KIAA1328: variants seen among roughly 807,000 people sequenced by gnomAD.
The protein encoded by KIAA1328 is KIAA1328, also known as protein hinderin.
In KIAA1328, 52 loss-of-function variants were observed where a neutral mutation model predicts 68.1. That is an observed-to-expected ratio of 0.76 (90% CI 0.61 to 0.96). KIAA1328 has a LOEUF of 0.96. Ranked by LOEUF, KIAA1328 falls within the 40% of genes least tolerant of loss-of-function variation. The probability of loss-of-function intolerance (pLI) is 0.00; values close to 1 mark genes in which losing one functional copy is unlikely to be tolerated. For missense variants in KIAA1328, 641 were observed against 677.6 expected, an observed-to-expected ratio of 0.95 and a Z score of 0.60; for synonymous variants, 232 against 239.4, an observed-to-expected ratio of 0.97 and a Z score of 0.28.
chr18:36,947,460 G>A (rs577956357), intron 5 of KIAA1328, among the ~76,000 whole-genome samples: 10 of 152,246 alleles, frequency 6.6e-5, no homozygotes, highest in African/African-American at 1.4e-4. Flanking sequence ...GGGACAACTC[G>A]GGCTTTTAGG....
intron 7 of KIAA1328, among the ~76,000 whole-genome samples, chr18:37,068,534 C>T (rs1042897030): frequency 2.0e-5 from 3 of 152,328 alleles, no homozygotes; most frequent in Admixed American, 2.0e-4. Context: ...TGTATAGTGA[C>T]ATTTCATCGC....
chr18:36,893,465 T>TTTGTGTGTGTGTGTGTG (rs1556812093), intron 5 of KIAA1328, among the ~76,000 whole-genome samples: 220 of 120,638 alleles, frequency 1.8e-3, no homozygotes, highest in Middle Eastern at 4.2e-3. Flanking sequence ...GTGTGTGTTT[T>TTTGTGTGTGTGTGTGTG]TGTGTGTGTG....
At chr18:37,164,434 CAGT>C (rs1279105269) in intron 8 of KIAA1328, among the ~76,000 whole-genome samples, 3 of 152,148 alleles carry the variant, frequency 2.0e-5, no homozygotes, top group Admixed American at 2.0e-4. Context: ...AAAGAGAAAT[CAGT>C]AGAGTGGGCT....
intron 6 of KIAA1328, among the ~76,000 whole-genome samples, chr18:37,007,784 T>C (rs936521619): frequency 2.0e-5 from 3 of 152,176 alleles, no homozygotes; most frequent in African/African-American, 7.2e-5. Flanking sequence ...ATAAGCCCAC[T>C]ATAGCCTACC....
At chr18:37,152,074 T>G in intron 7 of KIAA1328, among the ~76,000 whole-genome samples, 1 of 146,476 alleles carries the variant, frequency 6.8e-6, no homozygotes, top group East Asian at 2.0e-4. Flanking sequence ...CCTCATAGGT[T>G]CTTAGTTGGA....
In KIAA1328 at chr18:36,853,783, C is replaced by T. The variant is rs576445833; in HGVS notation, c.332+9481C>T. On this transcript the variant is annotated intron_variant, in intron 4 of 9. Coordinates refer to ENST00000280020, the MANE Select transcript of KIAA1328 (RefSeq NM_020776.3). ...AAGTGATTCTTCTGCGTCAGCCTCC[C>T]GCGTAGCTGTTACAGGTGCCCGCCA... Among the ~76,000 whole-genome samples the T allele has an allele frequency of 9.2e-5, 14 of 152,174 alleles. No homozygotes were observed. In the South Asian group the frequency reaches 1.0e-3, roughly 11 times the overall value.
chr18:37,103,217 C>A (rs371644083), intron 7 of KIAA1328, among the ~76,000 whole-genome samples: 1 of 151,862 alleles, frequency 6.6e-6, no homozygotes, highest in Admixed American at 6.6e-5. Flanking sequence ...AAAGCAATAC[C>A]GAGCAAAAGG....
At chr18:37,066,808 A>G (rs2056353661) in intron 6 of KIAA1328, 82 bp from the exon 7 acceptor site, 2 of 1,266,150 alleles carry the variant, frequency 1.6e-6, no homozygotes, top group African/African-American at 3.0e-5. Flanking sequence ...GTAAATATAT[A>G]TCACTGATTT....
chr18:36,894,321 A>G (rs1371805615), intron 5 of KIAA1328, among the ~76,000 whole-genome samples: 1 of 152,176 alleles, frequency 6.6e-6, no homozygotes, highest in Non-Finnish European at 1.5e-5. Flanking sequence ...GAAAATCCAG[A>G]TATGTAGAAT....
At chr18:37,173,116 T>G (rs754229650) in intron 9 of KIAA1328, 35 bp downstream of exon 9, 2 of 1,444,922 alleles carry the variant, frequency 1.4e-6, no homozygotes, top group Non-Finnish European at 1.9e-6. Context: ...TTTAATATTC[T>G]CCCTATGAGA....
At chr18:37,040,359 G>C (rs75811607) in intron 6 of KIAA1328, among the ~76,000 whole-genome samples, 4,617 of 152,198 alleles carry the variant, frequency 0.03, 222 homozygotes, top group African/African-American at 0.11. Context: ...TGTCTGATCT[G>C]TTGCCATGTA....
chr18:37,043,286 C>A (rs1263307784), intron 6 of KIAA1328, among the ~76,000 whole-genome samples: 1 of 152,236 alleles, frequency 6.6e-6, no homozygotes, highest in Middle Eastern at 3.4e-3. Context: ...TTTTTCCCCC[C>A]AAGTATGGGT....
intron 2 of KIAA1328, 115 bp downstream of exon 2, chr18:36,834,470 A>G (rs2046605027): frequency 1.2e-6 from 1 of 824,128 alleles, no homozygotes; most frequent in Non-Finnish European, 1.7e-6. Flanking sequence ...AGAGCAGTAC[A>G]TCAAAACCTA....
At chr18:37,129,934 T>C (rs2058482923) in intron 7 of KIAA1328, among the ~76,000 whole-genome samples, 1 of 152,164 alleles carries the variant, frequency 6.6e-6, no homozygotes, top group Non-Finnish European at 1.5e-5. Context: ...ATTTCACCAA[T>C]TAAAGTTGAT....
At chr18:36,991,504 ATTTAT>A in intron 6 of KIAA1328, among the ~76,000 whole-genome samples, 1 of 152,336 alleles carries the variant, frequency 6.6e-6, no homozygotes, top group South Asian at 2.1e-4. Context: ...TACTGGGTAG[ATTTAT>A]TTTCCTCAGG....
chr18:36,846,498 C>T (rs1188842257), intron 4 of KIAA1328, among the ~76,000 whole-genome samples: 4 of 151,278 alleles, frequency 2.6e-5, no homozygotes, highest in African/African-American at 9.7e-5. Flanking sequence ...ATAACATGAA[C>T]CAGTTTTTAA....
intron 7 of KIAA1328, among the ~76,000 whole-genome samples, chr18:37,137,085 C>A (rs141140205): frequency 2.0e-5 from 3 of 152,244 alleles, no homozygotes; most frequent in African/African-American, 7.2e-5. Context: ...TCTAGTAACA[C>A]CTTCTAGTAT....
At chr18:37,075,713 A>G (rs1002617811) in intron 7 of KIAA1328, 1 of 152,234 alleles carries the variant, frequency 6.6e-6, no homozygotes, top group African/African-American at 2.4e-5. Flanking sequence ...CTTTAAACCA[A>G]CAAAGATCAA....
chr18:36,992,501 G>A (rs1205400180), intron 6 of KIAA1328, among the ~76,000 whole-genome samples: 2 of 129,876 alleles, frequency 1.5e-5, no homozygotes, highest in Non-Finnish European at 3.1e-5. Flanking sequence ...TTCTTTATAC[G>A]ATACTTTTGG....
Sources: allele counts gnomAD v4.1 joint callset (sites outside exome capture counted in the v4.1 genomes callset), GRCh38; gene constraint gnomAD v4.1.1; transcripts MANE v1.5; gene names NCBI Gene and HGNC (gene_info 2026-07-23, HGNC 2026-07-21).